The following ATXN7L2 variants were observed in gnomAD, a reference collection of about 807,000 sequenced individuals.
The protein encoded by ATXN7L2 is ataxin 7 like 2, also known as ataxin-7-like protein 2.
A neutral mutation model predicts 59.6 loss-of-function variants in ATXN7L2; 17 were observed. The ratio of observed to expected loss-of-function variants is 0.29; its 90% CI spans 0.20 to 0.43. The LOEUF is 0.43. Among genes scored for constraint, ATXN7L2 ranks in the 20% least tolerant of loss-of-function variants. The pLI, the probability that ATXN7L2 is intolerant of heterozygous loss-of-function variation, is 1.00. For synonymous variants in ATXN7L2, 378 were observed against 392.5 expected, an observed-to-expected ratio of 0.96 and a Z score of 0.44; for missense variants, 858 against 1,008.9, an observed-to-expected ratio of 0.85 and a Z score of 2.03.
Position 109,486,537 on chromosome 1 carries a change from T to A in ATXN7L2, c.225T>A (p.His75Gln), listed in dbSNP as rs779254055. 5.6e-6 allele frequency: 9 copies of A among 1,613,962 alleles called. No homozygotes were observed. Among genetic ancestry groups the A allele is most frequent in the Non-Finnish European group, 8.5e-7 (1 of 1,179,930 alleles). Residue 75 changes from histidine to glutamine, a missense_variant, in exon 3 of 11, where the codon CAT (histidine) becomes CAA (glutamine). By Grantham distance (24) the His-to-Gln change is conservative. Around this residue, in one of 3 missense-constraint regions of ATXN7L2, gnomAD observed 29 missense variants for 64.0 expected, o/e 0.45. Coordinates refer to ENST00000683729, the MANE Select transcript of ATXN7L2 (RefSeq NM_001350175.2). The surrounding 1 kb of genome is among the most constrained non-coding windows in gnomAD (Gnocchi z 4.3). Reference sequence around the variant, plus strand: ...CCATCTTCGGGCACTGCCCTGCCCATGATGACTTCTACTTGGTTGTGTGTA... The same window carrying A: ...CCATCTTCGGGCACTGCCCTGCCCAAGATGACTTCTACTTGGTTGTGTGTA... Reference protein sequence around the residue: ...DMSIFGHCPAHDDFYLVVCNH... With the variant: ...DMSIFGHCPAQDDFYLVVCNH...
rs1193493650 is a variant in ATXN7L2 at position 109,491,029 on chromosome 1, C to T, written c.1562C>T (p.Thr521Ile). 1 of 1,613,780 alleles carries T rather than the reference C, an allele frequency of 6.2e-7. No homozygotes were observed. The highest frequency in any genetic ancestry group is 1.7e-5 in the Admixed American group (1 of 60,024). Reference protein sequence around the residue: ...TGTCPRLPGPTLRPACPASMP... With the variant: ...TGTCPRLPGPILRPACPASMP... ...ACCTGCCCCCGCCTTCCAGGTCCAACCCTGAGACCTGCCTGCCCAGCCTCC... is the reference window on the plus strand; with the variant it reads ...ACCTGCCCCCGCCTTCCAGGTCCAATCCTGAGACCTGCCTGCCCAGCCTCC... Residue 521 changes from threonine to isoleucine, a missense_variant, in exon 10 of 11, where the codon ACC becomes ATC. This residue lies in a region of ATXN7L2 where 734 missense variants were observed against 862.3 expected (regional missense o/e 0.85). Transcript: ENST00000683729. The surrounding 1 kb of genome is among the most constrained non-coding windows in gnomAD (Gnocchi z 4.1).
In ATXN7L2 at chr1:109,488,433, A is replaced by G; in HGVS notation, c.847A>G (p.Lys283Glu). 1.9e-6 allele frequency: 3 copies of G among 1,607,078 alleles called. No individual in the cohort carries two copies. The highest frequency in any genetic ancestry group is 2.6e-6 in the Non-Finnish European group (3 of 1,175,372). ...GTGTGGGGTAATAAATCCAGAGACC[A>G]AAAAGATCTGTACCCGCCTGTTGAC... ...RQCGVINPETKKICTRLLTCK... is the reference protein window; with the variant it reads ...RQCGVINPETEKICTRLLTCK... The change falls in exon 6 of 11, where the codon AAA (lysine) becomes GAA (glutamate). Residue 283 changes from lysine (K) to glutamate (E), a missense_variant. Lys to Glu is a moderately conservative substitution (Grantham distance 56). Around this residue, in one of 3 missense-constraint regions of ATXN7L2, gnomAD observed 734 missense variants for 862.3 expected, o/e 0.85. Transcript: ENST00000683729. The surrounding 1 kb of genome is among the most constrained non-coding windows in gnomAD (Gnocchi z 5.0).
chr1:109,488,286 T>C lies in ATXN7L2; in HGVS notation c.797-97T>C, dbSNP rs1414457581. The C allele has an allele frequency of 1.0e-5, 12 of 1,158,866 alleles. No individual in the cohort carries two copies. The highest frequency in any genetic ancestry group is 1.5e-5 in the African/African-American group (1 of 65,210). 71.8% of individuals were successfully genotyped at this position (1,158,866 alleles called of 1,614,324 possible). Reference sequence around the variant, plus strand: ...CTGAGGGCTGGAGTCTCTTCTGCCTTAGTACCAGTTCTCAGGCCCTTGGCA... The same window carrying C: ...CTGAGGGCTGGAGTCTCTTCTGCCTCAGTACCAGTTCTCAGGCCCTTGGCA... On this transcript the variant is annotated intron_variant, in intron 5 of 10. Transcript: ENST00000683729. The surrounding 1 kb of genome is among the most constrained non-coding windows in gnomAD (Gnocchi z 5.0).
At chr1:109,484,982 C>G (rs693663) in intron 1 of ATXN7L2, among the ~76,000 whole-genome samples, 1 of 152,068 alleles carries the variant, frequency 6.6e-6, no homozygotes, top group African/African-American at 2.4e-5. Context: ...TTGTCTCTTG[C>G]GTGCCTAACC....
In ATXN7L2 at chr1:109,483,947, G is replaced by A; in HGVS notation, c.-7G>A. ...GGCGCCAGGGCGGGCGCGCGTCCGC[G>A]GCGGTGATGGCGGTGCGTGAACGCG... On this transcript the variant is annotated 5_prime_UTR_variant, in exon 1 of 11. Coordinates refer to ENST00000683729, the MANE Select transcript of ATXN7L2 (RefSeq NM_001350175.2). The A allele has an allele frequency of 8.1e-7, 1 of 1,237,204 alleles. No homozygotes were observed. Among genetic ancestry groups the A allele is most frequent in the Non-Finnish European group, 1.0e-6 (1 of 985,478 alleles). The allele number at this position is 1,237,204 out of a possible 1,614,324, so 76.6% of individuals were successfully genotyped here.
Position 109,491,659 on chromosome 1 carries a change from T to C in ATXN7L2, c.2192T>C (p.Val731Ala). 1 of 1,611,534 alleles carries C rather than the reference T, an allele frequency of 6.2e-7. No individual in the cohort carries two copies. The highest frequency in any genetic ancestry group is 8.5e-7 in the Non-Finnish European group (1 of 1,178,940). ...AGAPADVACS[V>A]RRKKPGPALA... ...GCCCCTGCTGATGTGGCCTGCTCTG[T>C]GCGCCGCAAGAAGCCAGGCCCGGCC... The change falls in exon 10 of 11, where the codon GTG becomes GCG. Residue 731 changes from valine (V) to alanine (A), a missense_variant. Val to Ala is a moderately conservative substitution (Grantham distance 64). Transcript: ENST00000683729. This position sits in a 1 kb window ranked among gnomAD's most constrained non-coding sequence, Gnocchi z 4.1.
chr1:109,487,644 T>G lies in ATXN7L2; in HGVS notation c.636T>G (p.Pro212=). Residue 212 remains proline, a synonymous_variant, in exon 5 of 11, where the codon CCT becomes CCG. Transcript: ENST00000683729. The part of the protein sequence containing the change: ...SQPGGLTKDS[P]GKPPMAPPSK... ...CAGGGGGCCTCACCAAGGACTCCCC[T>G]GGAAAACCTCCCATGGCTCCCCCTT... The G allele has an allele frequency of 6.2e-7, 1 of 1,609,680 alleles. No individual in the cohort carries two copies.
At position 109,491,104 on chromosome 1, in the gene ATXN7L2, C is replaced by T. The variant is rs767476738; in HGVS notation, c.1637C>T (p.Pro546Leu). ...NLVPSYPAGS[P>L]SVAAACSQAE... ...GTCCCCAGCTACCCTGCAGGCTCCC[C>T]CAGCGTGGCGGCTGCCTGTAGCCAG... The change falls in exon 10 of 11, where the codon CCC becomes CTC. Residue 546 changes from proline (P) to leucine (L), a missense_variant. Around this residue, in one of 3 missense-constraint regions of ATXN7L2, gnomAD observed 734 missense variants for 862.3 expected, o/e 0.85. Coordinates refer to ENST00000683729, the MANE Select transcript of ATXN7L2 (RefSeq NM_001350175.2). The surrounding 1 kb of genome is among the most constrained non-coding windows in gnomAD (Gnocchi z 4.1). 7.4e-6 allele frequency: 12 copies of T among 1,613,672 alleles called. No homozygotes were observed. The highest frequency in any genetic ancestry group is 1.0e-5 in the Non-Finnish European group (12 of 1,179,974).
Position 109,486,482 on chromosome 1 carries a change from T to G in ATXN7L2, c.194-24T>G. On this transcript the variant is annotated intron_variant, in intron 2 of 10. Transcript: ENST00000683729. This position sits in a 1 kb window ranked among gnomAD's most constrained non-coding sequence, Gnocchi z 4.3. ...GAAACCCTGGGATCTTCAGCCCCAG[T>G]GACATGGGCTTCTGTCATTGCAGAC... The G allele has an allele frequency of 1.9e-6, 3 of 1,588,178 alleles. No individual in the cohort carries two copies. The highest frequency in any genetic ancestry group is 2.6e-6 in the Non-Finnish European group (3 of 1,158,092).
intron 4 of ATXN7L2, 136 bp from the exon 5 acceptor site, chr1:109,487,382 C>T (rs1484756526): frequency 8.4e-7 from 1 of 1,185,246 alleles, no homozygotes; most frequent in Non-Finnish European, 1.1e-6. Flanking sequence ...GGGGTCTCCT[C>T]TTCCCGTGTT....
chr1:109,491,094 G>T lies in ATXN7L2; in HGVS notation c.1627G>T (p.Ala543Ser), dbSNP rs1316073233. The T allele has an allele frequency of 1.9e-6, 3 of 1,613,564 alleles. No individual in the cohort carries two copies. The African/African-American group carries it at 4.0e-5, about 22-fold the overall frequency. ...TKDNLVPSYP[A>S]GSPSVAAACS... Reference sequence around the variant, plus strand: ...GGACAACCTTGTCCCCAGCTACCCTGCAGGCTCCCCCAGCGTGGCGGCTGC... The same window carrying T: ...GGACAACCTTGTCCCCAGCTACCCTTCAGGCTCCCCCAGCGTGGCGGCTGC... Residue 543 changes from alanine (A) to serine (S), a missense_variant, in exon 10 of 11, where the codon GCA becomes TCA. Physicochemically the swap from Ala to Ser is moderately conservative, Grantham distance 99. Transcript: ENST00000683729. The surrounding 1 kb of genome is among the most constrained non-coding windows in gnomAD (Gnocchi z 4.1).
Position 109,492,578 on chromosome 1 carries a change from T to C in ATXN7L2, c.2251-8T>C. On this transcript the variant is annotated splice_polypyrimidine_tract_variant and splice_region_variant and intron_variant, in intron 10 of 10. Coordinates refer to ENST00000683729, the MANE Select transcript of ATXN7L2 (RefSeq NM_001350175.2). ...TGACCCTTTCTCTCGCCTCTTGTCT[T>C]CCTGCAGTCAAAAGCCCATTAACGA... 6.2e-7 allele frequency: 1 copy of C among 1,613,830 alleles called. No homozygotes were observed. The highest frequency in any genetic ancestry group is 8.5e-7 in the Non-Finnish European group (1 of 1,179,952).
chr1:109,489,866 A>G (rs952447371), intron 7 of ATXN7L2, 64 bp from the exon 8 acceptor site: 7 of 1,578,432 alleles, frequency 4.4e-6, no homozygotes, highest in Non-Finnish European at 5.2e-6. Flanking sequence ...GGCAGGTTCA[A>G]GGATGCCCCT....
At position 109,489,963 on chromosome 1, in the gene ATXN7L2, T is replaced by C. The variant is rs758981436; in HGVS notation, c.1167T>C (p.Asp389=). 1.3e-5 allele frequency: 21 copies of C among 1,613,500 alleles called. No individual in the cohort carries two copies. The South Asian group carries it at 2.1e-4, about 16-fold the overall frequency. Reference sequence around the variant, plus strand: ...CCTCCTCCGAGAGTGAATTGGATGATGAAGGCCCCTGTGGTGGTGATGGGG... The same window carrying C: ...CCTCCTCCGAGAGTGAATTGGATGACGAAGGCCCCTGTGGTGGTGATGGGG... ...SRASSESELD[D]EGPCGGDGDP... Residue 389 remains aspartate (D), a synonymous_variant, in exon 8 of 11, where the codon GAT becomes GAC. Transcript: ENST00000683729.
rs1181373651 is a variant in ATXN7L2, at chr1:109,487,790, A to C, written c.782A>C (p.His261Pro). The C allele has an allele frequency of 6.3e-7, 1 of 1,590,842 alleles. No homozygotes were observed. Among genetic ancestry groups the C allele is most frequent in the East Asian group, 2.3e-5 (1 of 43,866 alleles). Reference sequence around the variant, plus strand: ...GGGACCAGGCTGCCCCCTAAAACCCACCGGAAGATGGCTCGTGAGTAGTTG... The same window carrying C: ...GGGACCAGGCTGCCCCCTAAAACCCCCCGGAAGATGGCTCGTGAGTAGTTG... ...PSGTRLPPKT[H>P]RKMARKECDL... The change falls in exon 5 of 11, where the codon CAC becomes CCC. Residue 261 changes from histidine to proline, a missense_variant. Physicochemically the swap from His to Pro is moderately conservative, Grantham distance 77 (BLOSUM62 -2). Around this residue, in one of 3 missense-constraint regions of ATXN7L2, gnomAD observed 734 missense variants for 862.3 expected, o/e 0.85. Coordinates refer to ENST00000683729, the MANE Select transcript of ATXN7L2 (RefSeq NM_001350175.2).
In ATXN7L2 at chr1:109,486,266, C is replaced by A. The variant is rs1225318063; in HGVS notation, c.193+144C>A. On this transcript the variant is annotated intron_variant, in intron 2 of 10. Coordinates refer to ENST00000683729, the MANE Select transcript of ATXN7L2 (RefSeq NM_001350175.2). The surrounding 1 kb of genome is among the most constrained non-coding windows in gnomAD (Gnocchi z 4.3). Reference sequence around the variant, plus strand: ...GATAGGTCCGAGTCGGCCGGTTGTTCTGGCTCCTGTGACCTGTCGTTGGAG... The same window carrying A: ...GATAGGTCCGAGTCGGCCGGTTGTTATGGCTCCTGTGACCTGTCGTTGGAG... The A allele has an allele frequency of 1.6e-5, 21 of 1,301,836 alleles. No homozygotes were observed. The highest frequency in any genetic ancestry group is 1.9e-5 in the Non-Finnish European group (18 of 972,856). The allele number at this position is 1,301,836 out of a possible 1,614,324, so 80.6% of individuals were successfully genotyped here.
Position 109,488,591 on chromosome 1 carries a change from C to A in ATXN7L2, c.879+126C>A. ...TTAAGGGAGGGCAGTTAGGCCCACC[C>A]AAGGGAAGGGGAGATGGGTATGCCC... On this transcript the variant is annotated intron_variant, in intron 6 of 10. Coordinates refer to ENST00000683729, the MANE Select transcript of ATXN7L2 (RefSeq NM_001350175.2). The surrounding 1 kb of genome is among the most constrained non-coding windows in gnomAD (Gnocchi z 5.0). The A allele has an allele frequency of 8.7e-7, 1 of 1,155,792 alleles. No homozygotes were observed. The highest frequency in any genetic ancestry group is 1.2e-6 in the Non-Finnish European group (1 of 811,350). 71.6% of individuals were successfully genotyped at this position (1,155,792 alleles called of 1,614,324 possible). A position where few individuals can be genotyped will look rare whatever the true frequency, so the allele number is the denominator to read the frequency against.
rs1369476239 is a variant in ATXN7L2 at position 109,487,510 on chromosome 1, G to C, written c.510-8G>C. On this transcript the variant is annotated splice_polypyrimidine_tract_variant and splice_region_variant and intron_variant, in intron 4 of 10. Coordinates refer to ENST00000683729, the MANE Select transcript of ATXN7L2 (RefSeq NM_001350175.2). ...CTCCCTCAGCCAACCCCCTCTCTCT[G>C]TGTGTAGCCTTTTCGTGCCTGTGGT... 4.7e-6 allele frequency: 7 copies of C among 1,497,706 alleles called. No individual in the cohort carries two copies. Among genetic ancestry groups the C allele is most frequent in the East Asian group, 2.4e-5 (1 of 41,988 alleles). The allele number at this position is 1,497,706 out of a possible 1,614,324, so 92.8% of individuals were successfully genotyped here.
Position 109,490,919 on chromosome 1 carries a change from C to T in ATXN7L2, c.1455-3C>T. On this transcript the variant is annotated splice_region_variant and splice_polypyrimidine_tract_variant and intron_variant, in intron 9 of 10. Transcript: ENST00000683729. ...TCACAGTGGGGCTTTCTTTTTGCTGCAGGAAGATCCCACCGGCAGCTGAAC... is the reference window on the plus strand; with the variant it reads ...TCACAGTGGGGCTTTCTTTTTGCTGTAGGAAGATCCCACCGGCAGCTGAAC... The T allele has an allele frequency of 6.5e-7, 1 of 1,542,626 alleles. No homozygotes were observed. The highest frequency in any genetic ancestry group is 8.7e-7 in the Non-Finnish European group (1 of 1,144,660).
Sources: allele counts gnomAD v4.1 joint callset (sites outside exome capture counted in the v4.1 genomes callset), GRCh38; gene constraint gnomAD v4.1.1; regional missense constraint gnomAD v4.1.1; non-coding constraint Gnocchi (gnomAD v3.1); transcripts MANE v1.5; gene names NCBI Gene and HGNC (gene_info 2026-07-23, HGNC 2026-07-21).